HCCS: variants seen among roughly 807,000 people sequenced by gnomAD.
HCCS encodes the protein holocytochrome c-type synthase.
A neutral mutation model predicts 24.2 loss-of-function variants in HCCS; 2 were observed. The observed-to-expected ratio is 0.08, with a 90% confidence interval of 0.03 to 0.26. The LOEUF is 0.26. Ranked by LOEUF, HCCS falls within the 10% of genes least tolerant of loss-of-function variation. The pLI, the probability that HCCS is intolerant of heterozygous loss-of-function variation, is 1.00. For missense variants in HCCS, 150 were observed against 213.3 expected (o/e 0.70, Z 1.85); for synonymous variants, 73 against 76.2 (o/e 0.96, Z 0.22).
At chrX:11,118,221 T>C (rs2045463887) in intron 4 of HCCS, 2 of 358,135 alleles carry the variant, frequency 5.6e-6, no homozygotes, top group Admixed American at 7.2e-5. Flanking sequence ...TAGATGATTC[T>C]GTAAGTCTGG....
At chrX:11,118,294 A>G (rs185788960) in intron 4 of HCCS, 114 of 468,626 alleles carry the variant, frequency 2.4e-4, no homozygotes, top group African/African-American at 2.2e-3. Flanking sequence ...CAATGCTTCT[A>G]TAGTAGCTTT....
intron 2 of HCCS, among the ~76,000 whole-genome samples, chrX:11,114,494 TC>T (rs2045434157): frequency 8.9e-6 from 1 of 112,105 alleles, no homozygotes; most frequent in Admixed American, 9.4e-5. Context: ...CTCTAACAGC[TC>T]CCCAGCTGCT....
intron 5 of HCCS, among the ~76,000 whole-genome samples, chrX:11,119,494 G>T (rs187530465): frequency 8.9e-6 from 1 of 112,028 alleles, no homozygotes; most frequent in Non-Finnish European, 1.9e-5. Flanking sequence ...GCCTAGACTG[G>T]GTGTATCTAG....
intron 2 of HCCS, among the ~76,000 whole-genome samples, chrX:11,114,209 C>T (rs2045432310): frequency 1.8e-5 from 2 of 112,984 alleles, no homozygotes; most frequent in Admixed American, 9.3e-5. Context: ...AAACTCTTGC[C>T]ATTGACTGAT....
At chrX:11,112,744 T>G (rs1031644587) in intron 2 of HCCS, among the ~76,000 whole-genome samples, 9 of 113,215 alleles carry the variant, frequency 7.9e-5, no homozygotes, top group African/African-American at 2.2e-4. Context: ...TCCCAAAGTT[T>G]ACTTGTGCCT....
intron 6 of HCCS, 90 bp from the exon 7 acceptor site, chrX:11,121,522 T>C (rs1268102917): frequency 4.1e-6 from 3 of 735,126 alleles, no homozygotes; most frequent in Non-Finnish European, 6.5e-6. Flanking sequence ...AGCAGGTGTT[T>C]GCATGTGCTT....
intron 3 of HCCS, 111 bp downstream of exon 3, chrX:11,115,097 A>G: frequency 3.1e-6 from 2 of 647,364 alleles, no homozygotes; most frequent in Admixed American, 4.6e-5. Context: ...CTTTGAAAAC[A>G]GAGAAGTTAG....
At chrX:11,117,489 T>TA in intron 4 of HCCS, 74 bp downstream of exon 4, 1 of 904,473 alleles carries the variant, frequency 1.1e-6, no homozygotes, top group Non-Finnish European at 1.6e-6. Context: ...AGAGATTTTT[T>TA]ACCTTCAAAA....
intron 4 of HCCS, 193 bp from the exon 5 acceptor site, chrX:11,118,308 T>G: frequency 4.2e-6 from 2 of 481,419 alleles, no homozygotes. Flanking sequence ...TAGCTTTGGA[T>G]TTATAGTGCT....
At chrX:11,119,210 C>A (rs938945253) in intron 5 of HCCS, among the ~76,000 whole-genome samples, 7 of 111,568 alleles carry the variant, frequency 6.3e-5, no homozygotes, top group Non-Finnish European at 9.4e-5. Flanking sequence ...GCCATCTGCC[C>A]CAAGGGAGGT....
rs748945556 is a variant in HCCS at position 11,122,307 on chromosome X, A to G, written c.*497A>G. 5 of 119,089 alleles carry G rather than the reference A, an allele frequency of 4.2e-5. No homozygotes were observed. In the Admixed American group the frequency reaches 4.2e-4, roughly 10 times the overall value. 9.8% of individuals were successfully genotyped at this position (119,089 alleles called of 1,213,427 possible). A position where few individuals can be genotyped will look rare whatever the true frequency, so the allele number is the denominator to read the frequency against. ...TTTAAAAAAAGTTACCATTATTTCT[A>G]AAGCCCCTATGGTATGATTGTGACC... On this transcript the variant is annotated 3_prime_UTR_variant, in exon 7 of 7. Coordinates refer to ENST00000380762, the MANE Select transcript of HCCS (RefSeq NM_005333.5).
At chrX:11,120,845 C>T in intron 5 of HCCS, 62 bp from the exon 6 acceptor site, 7 of 951,415 alleles carry the variant, frequency 7.4e-6, no homozygotes, top group Non-Finnish European at 1.1e-5. Flanking sequence ...AAAATTAGAA[C>T]ATCATCTTTG....
At chrX:11,118,692 A>G in intron 5 of HCCS, 72 bp downstream of exon 5, 1 of 1,054,596 alleles carries the variant, frequency 9.5e-7, no homozygotes, top group Non-Finnish European at 1.3e-6. Flanking sequence ...GAGTTTTAAC[A>G]TTCAAATCAT....
At position 11,113,665 on chromosome X, in the gene HCCS, C is replaced by T. The variant is rs757530157; in HGVS notation, c.101-1170C>T. On this transcript the variant is annotated intron_variant, in intron 2 of 6. Coordinates refer to ENST00000380762, the MANE Select transcript of HCCS (RefSeq NM_005333.5). Reference sequence around the variant, plus strand: ...CTGTATATCTTGGAGAGCTGCCAGACTTACTACATTAATAAAGAATGTGGG... The same window carrying T: ...CTGTATATCTTGGAGAGCTGCCAGATTTACTACATTAATAAAGAATGTGGG... Among the ~76,000 whole-genome samples, 4 of 112,317 alleles carry T rather than the reference C, an allele frequency of 3.6e-5. No individual in the cohort carries two copies. The South Asian group carries it at 1.5e-3, about 42-fold the overall frequency.
At chrX:11,119,342 G>A (rs1307899253) in intron 5 of HCCS, among the ~76,000 whole-genome samples, 1 of 111,903 alleles carries the variant, frequency 8.9e-6, no homozygotes, top group Non-Finnish European at 1.9e-5. Context: ...AGCTGTGTGT[G>A]TTAAAGGAGA....
At chrX:11,119,995 C>CT (rs1405067402) in intron 5 of HCCS, 1 of 326,548 alleles carries the variant, frequency 3.1e-6, no homozygotes, top group Non-Finnish European at 5.9e-6. Flanking sequence ...TTGAGTTTAC[C>CT]TTTTTGCCTG....
At chrX:11,119,245 A>G (rs1013050282) in intron 5 of HCCS, among the ~76,000 whole-genome samples, 4 of 111,897 alleles carry the variant, frequency 3.6e-5, no homozygotes, top group South Asian at 7.5e-4. Flanking sequence ...TGTTCCCTCA[A>G]TAGCATTTAT....
Position 11,118,179 on chromosome X carries a change from T to C in HCCS, c.402-322T>C, listed in dbSNP as rs142986576. The C allele has an allele frequency of 1.4e-3, 417 of 288,582 alleles. 3 individuals carry two copies. The highest frequency in any genetic ancestry group is 0.011 in the African/African-American group (392 of 36,262). 23.8% of individuals were successfully genotyped at this position (288,582 alleles called of 1,213,427 possible). A position where few individuals can be genotyped will look rare whatever the true frequency, so the allele number is the denominator to read the frequency against. ...AAAAAGTTAGGGGATCATTGATCAG[T>C]GGTACTATCTGAACAATTGTCACCT... On this transcript the variant is annotated intron_variant, in intron 4 of 6. Transcript: ENST00000380762.
chrX:11,120,960 A>G lies in HCCS; in HGVS notation c.575A>G (p.Tyr192Cys). 8.3e-7 allele frequency: 1 copy of G among 1,209,984 alleles called. No individual in the cohort carries two copies. Among genetic ancestry groups the G allele is most frequent in the Admixed American group, 2.2e-5 (1 of 46,095 alleles). Reference protein sequence around the residue: ...LIRFGGKAKEYSPRARIRSWM... With the variant: ...LIRFGGKAKECSPRARIRSWM... ...CGGTTTGGAGGGAAAGCAAAAGAGT[A>G]TTCACCAAGGGCACGAATTCGTTCC... is the stretch of plus-strand genomic sequence containing the variant. The change falls in exon 6 of 7, where the codon TAT becomes TGT. Residue 192 changes from tyrosine (Y) to cysteine (C), a missense_variant. By Grantham distance (194) the Tyr-to-Cys change is radical. Coordinates refer to ENST00000380762, the MANE Select transcript of HCCS (RefSeq NM_005333.5).
Sources: gnomAD v4.1 joint callset for allele counts (sites outside exome capture counted in the v4.1 genomes callset) on GRCh38, gnomAD v4.1.1 for gene constraint, MANE v1.5 for transcripts, NCBI Gene and HGNC (gene_info 2026-07-23, HGNC 2026-07-21) for gene names.